UPRT: variants seen among roughly 807,000 people sequenced by gnomAD.
The protein encoded by UPRT is uracil phosphoribosyltransferase homolog.
UPRT carries 5 observed loss-of-function variants against 22.6 expected under a neutral mutation model. That is an observed-to-expected ratio of 0.22 (90% confidence interval 0.12 to 0.47). The LOEUF is 0.47. Among genes scored for constraint, UPRT ranks in the 20% least tolerant of loss-of-function variants. The pLI is 0.99. For synonymous variants in UPRT, 77 were observed against 87.7 expected (o/e 0.88, Z 0.68); for missense variants, 181 against 239.9 (o/e 0.75, Z 1.62).
intron 1 of UPRT, among the ~76,000 whole-genome samples, chrX:75,287,279 C>T (rs2082686030): frequency 9.0e-6 from 1 of 111,396 alleles, no homozygotes; most frequent in African/African-American, 3.3e-5. Context: ...GAGAATCCCT[C>T]CATTTAGAAG....
At chrX:75,191,426 G>A (rs1009261951) in intron 4 of UPRT, among the ~76,000 whole-genome samples, 1 of 111,347 alleles carries the variant, frequency 9.0e-6, no homozygotes, top group Non-Finnish European at 1.9e-5. Flanking sequence ...CGGGGGTGAG[G>A]GACCCACTTG....
At chrX:75,254,482 A>C (rs2082542562) in intron 4 of UPRT, among the ~76,000 whole-genome samples, 1 of 112,417 alleles carries the variant, frequency 8.9e-6, no homozygotes, top group African/African-American at 3.2e-5. Context: ...AACAAAGACA[A>C]AAAAATTTAA....
chrX:75,219,400 C>G (rs2082403401), intron 4 of UPRT, among the ~76,000 whole-genome samples: 1 of 112,098 alleles, frequency 8.9e-6, no homozygotes, highest in African/African-American at 3.2e-5. Flanking sequence ...CTGCAAGGAT[C>G]TTGATGCTAT....
intron 1 of UPRT, among the ~76,000 whole-genome samples, chrX:75,274,980 G>A (rs1165912204): frequency 1.8e-5 from 2 of 110,500 alleles, no homozygotes; most frequent in Admixed American, 9.7e-5. Flanking sequence ...TATGTGGGCA[G>A]TGCTTGTCCA....
At chrX:75,250,717 C>T (rs1185320419) in intron 4 of UPRT, among the ~76,000 whole-genome samples, 2 of 111,150 alleles carry the variant, frequency 1.8e-5, no homozygotes, top group Admixed American at 1.9e-4. Flanking sequence ...TTTATGAGGC[C>T]AGCATCATCC....
chrX:75,237,047 C>T (rs1985169119), intron 4 of UPRT, among the ~76,000 whole-genome samples: 1 of 112,079 alleles, frequency 8.9e-6, no homozygotes, highest in Non-Finnish European at 1.9e-5. Flanking sequence ...TCAACCTACT[C>T]ATCTGACAAA....
upstream of UPRT, among the ~76,000 whole-genome samples, chrX:75,272,323 T>TATATATGTATATATATATACAC (rs1569279457): frequency 5.3e-5 from 5 of 94,495 alleles, no homozygotes; most frequent in African/African-American, 2.1e-4. Context: ...TATATATACA[T>TATATATGTATATATATATACAC]ATATATGTAT....
intron 4 of UPRT, among the ~76,000 whole-genome samples, chrX:75,195,599 C>CGTTTTT (rs2082330614): frequency 8.9e-6 from 1 of 112,087 alleles, no homozygotes; most frequent in Non-Finnish European, 1.9e-5. Flanking sequence ...GTGGGGTCTC[C>CGTTTTT]TGCTGCCAGT....
At chrX:75,168,655 G>A (rs1018978803) in intron 4 of UPRT, among the ~76,000 whole-genome samples, 14 of 110,737 alleles carry the variant, frequency 1.3e-4, no homozygotes, top group African/African-American at 3.9e-4. Context: ...TCAGCCTCCC[G>A]AATAGCTGGG....
intron 4 of UPRT, among the ~76,000 whole-genome samples, chrX:75,200,106 T>C (rs966843960): frequency 8.9e-5 from 10 of 112,206 alleles, no homozygotes; most frequent in Admixed American, 3.8e-4. Context: ...TCTTTTCCCT[T>C]ACCAGCAACA....
chrX:75,233,981 A>G (rs2082449777), intron 4 of UPRT, among the ~76,000 whole-genome samples: 1 of 111,616 alleles, frequency 9.0e-6, no homozygotes, highest in African/African-American at 3.3e-5. Context: ...ATTAAAAGGC[A>G]CAGACTGGCA....
upstream of UPRT, among the ~76,000 whole-genome samples, chrX:75,270,029 A>T (rs951201179): frequency 8.9e-6 from 1 of 111,865 alleles, no homozygotes; most frequent in Non-Finnish European, 1.9e-5. Context: ...TAATATCCAG[A>T]ATCTATAAAA....
chrX:75,158,093 A>G (rs1469981387), intron 1 of UPRT, among the ~76,000 whole-genome samples: 2 of 112,325 alleles, frequency 1.8e-5, no homozygotes, highest in African/African-American at 6.5e-5. Context: ...TTGATCAAAA[A>G]GTGTGAATAA....
At chrX:75,236,821 C>A (rs1222793410) in intron 4 of UPRT, among the ~76,000 whole-genome samples, 1 of 112,261 alleles carries the variant, frequency 8.9e-6, no homozygotes, top group Admixed American at 9.4e-5. Context: ...AAGACTTAAA[C>A]GTTTGACCTA....
At chrX:75,257,963 C>A (rs1030174424) in intron 4 of UPRT, among the ~76,000 whole-genome samples, 1 of 110,617 alleles carries the variant, frequency 9.0e-6, no homozygotes, top group East Asian at 2.9e-4. Context: ...TGAGGCGTCA[C>A]CTCACCCAGG....
chrX:75,243,237 T>C (rs1441789563), intron 4 of UPRT, among the ~76,000 whole-genome samples: 8 of 111,448 alleles, frequency 7.2e-5, no homozygotes, highest in African/African-American at 2.6e-4. Context: ...CAAGATCTTC[T>C]CTCATTTTTT....
At position 75,303,538 on chromosome X, in the gene UPRT, T is replaced by A. The variant is rs781768748; in HGVS notation, c.*27T>A. The A allele has an allele frequency of 1.8e-4, 186 of 1,053,499 alleles. 1 individual carries two copies. Among genetic ancestry groups the A allele is most frequent in the Admixed American group, 2.7e-5 (1 of 36,732 alleles). The allele number at this position is 1,053,499 out of a possible 1,213,427, so 86.8% of individuals were successfully genotyped here. On this transcript the variant is annotated 3_prime_UTR_variant, in exon 7 of 7. Coordinates refer to ENST00000373383, the MANE Select transcript of UPRT (RefSeq NM_145052.4). ...TTATTTAAGTAAAATAATTATCTTA[T>A]GTAATATTACAATCATGTTTTGATT...
intron 4 of UPRT, among the ~76,000 whole-genome samples, chrX:75,174,362 G>T (rs2082239976): frequency 9.0e-6 from 1 of 111,557 alleles, no homozygotes; most frequent in South Asian, 3.8e-4. Context: ...ACTCATTTGG[G>T]GTTCCATTTG....
intron 1 of UPRT, among the ~76,000 whole-genome samples, chrX:75,279,628 A>T (rs1464964346): frequency 9.0e-6 from 1 of 111,433 alleles, no homozygotes; most frequent in Non-Finnish European, 1.9e-5. Context: ...TTATTTTTTT[A>T]AAGCTTTCAG....
Sources: gnomAD v4.1 joint callset for allele counts (sites outside exome capture counted in the v4.1 genomes callset) on GRCh38, gnomAD v4.1.1 for gene constraint, MANE v1.5 for transcripts, NCBI Gene and HGNC (gene_info 2026-07-23, HGNC 2026-07-21) for gene names.